CA9: variants seen among roughly 807,000 people sequenced by gnomAD.
CA9 encodes carbonic anhydrase 9, also known as CA-IX.
Under a neutral mutation model 51.8 loss-of-function variants are expected in CA9, and 43 were observed. The observed-to-expected ratio is 0.83, with a 90% CI of 0.65 to 1.07. The LOEUF is 1.07. Ranked by LOEUF, CA9 falls within the 50% of genes least tolerant of loss-of-function variation. CA9 has a pLI of 0.00. For synonymous variants in CA9, 253 were observed against 244.2 expected, an observed-to-expected ratio of 1.04 and a Z score of -0.34; for missense variants, 574 against 581.4, an observed-to-expected ratio of 0.99 and a Z score of 0.13.
At chr9:35,680,364 T>TC (rs68054422) in intron 9 of CA9, among the ~76,000 whole-genome samples, 25,173 of 151,226 alleles carry the variant, frequency 0.17, 4,953 homozygotes, top group African/African-American at 0.48. Context: ...CGCAAAACAA[T>TC]CCCCCCCCTT....
chr9:35,678,322 G>A (rs1395305653), intron 6 of CA9, among the ~76,000 whole-genome samples: 2 of 148,836 alleles, frequency 1.3e-5, no homozygotes, highest in East Asian at 2.0e-4. Context: ...CTCCAGCCTG[G>A]GCAACAGAGC....
chr9:35,677,945 C>A, intron 6 of CA9, 89 bp downstream of exon 6: 1 of 1,063,346 alleles, frequency 9.4e-7, no homozygotes, highest in Non-Finnish European at 1.5e-6. Context: ...TGGAGATGGG[C>A]TCCCTCCAGT....
At chr9:35,680,686 C>A in intron 9 of CA9, 67 bp from the exon 10 acceptor site, 3 of 1,303,626 alleles carry the variant, frequency 2.3e-6, no homozygotes, top group Middle Eastern at 2.4e-4. Flanking sequence ...TGCACTGAGG[C>A]AGGTGTTGAG....
rs150321912 is a variant in CA9 at position 35,676,140 on chromosome 9, G to C, written c.681G>C (p.Leu227=). The change falls in exon 4 of 11, where the codon CTG becomes CTC. Residue 227 remains leucine (L), a synonymous_variant. Transcript: ENST00000378357. ...GREYRALQLH[L]HWGAAGRPGS... Reference sequence around the variant, plus strand: ...AGTACCGGGCTCTGCAGCTGCATCTGCACTGGGGGGCTGCAGGTCGTCCGG... The same window carrying C: ...AGTACCGGGCTCTGCAGCTGCATCTCCACTGGGGGGCTGCAGGTCGTCCGG... 1.9e-6 allele frequency: 3 copies of C among 1,613,292 alleles called. No individual in the cohort carries two copies. In the African/African-American group the frequency reaches 4.0e-5, roughly 22 times the overall value.
chr9:35,679,286 G>A lies in CA9; in HGVS notation c.1009G>A (p.Ala337Thr). ...YEGSLTTPPC[A>T]QGVIWTVFNQ... ...GGGGTCTCTGACTACACCGCCCTGT[G>A]CCCAGGGTGTCATCTGGACTGTGTT... The change falls in exon 7 of 11, where the codon GCC becomes ACC. Residue 337 changes from alanine (A) to threonine (T), a missense_variant. Ala to Thr is a moderately conservative substitution (Grantham distance 58). Transcript: ENST00000378357. 5 of 1,614,202 alleles carry A rather than the reference G, an allele frequency of 3.1e-6. No individual in the cohort carries two copies. The highest frequency in any genetic ancestry group is 4.5e-5 in the East Asian group (2 of 44,884).
rs777908988 is a variant in CA9 at position 35,679,266 on chromosome 9, C to T, written c.989C>T (p.Ser330Phe). 1 of 1,614,186 alleles carries T rather than the reference C, an allele frequency of 6.2e-7. No individual in the cohort carries two copies. The highest frequency in any genetic ancestry group is 1.1e-5 in the South Asian group (1 of 91,084). Residue 330 changes from serine to phenylalanine, a missense_variant, in exon 7 of 11, where the codon TCT becomes TTT. Ser to Phe is a radical substitution (Grantham distance 155). Coordinates refer to ENST00000378357, the MANE Select transcript of CA9 (RefSeq NM_001216.3). ...DFSRYFQYEGSLTTPPCAQGV... is the reference protein window; with the variant it reads ...DFSRYFQYEGFLTTPPCAQGV... ...AGCCGCTACTTCCAATATGAGGGGT[C>T]TCTGACTACACCGCCCTGTGCCCAG...
rs1239579501 is a variant in CA9 at position 35,673,944 on chromosome 9, C to T, written c.-16C>T. On this transcript the variant is annotated 5_prime_UTR_variant, in exon 1 of 11. Transcript: ENST00000378357. Reference sequence around the variant, plus strand: ...CCCGTACACACCGTGTGCTGGGACACCCCACAGTCAGCCGCATGGCTCCCC... The same window carrying T: ...CCCGTACACACCGTGTGCTGGGACATCCCACAGTCAGCCGCATGGCTCCCC... 5.7e-6 allele frequency: 9 copies of T among 1,581,074 alleles called. No homozygotes were observed. The highest frequency in any genetic ancestry group is 6.9e-6 in the Non-Finnish European group (8 of 1,163,002).
At chr9:35,676,853 T>TTTTA (rs1170675137) in intron 5 of CA9, among the ~76,000 whole-genome samples, 8 of 152,118 alleles carry the variant, frequency 5.3e-5, no homozygotes, top group Non-Finnish European at 7.4e-5. Flanking sequence ...ACTCACTCAC[T>TTTTA]TTTATTTATT....
chr9:35,676,615 T>C (rs1232304796), intron 5 of CA9, among the ~76,000 whole-genome samples: 1 of 152,020 alleles, frequency 6.6e-6, no homozygotes, highest in East Asian at 1.9e-4. Flanking sequence ...CCACAGCCAG[T>C]GGGGGAGGCT....
Position 35,675,767 on chromosome 9 carries a change from C to CTGGGG in CA9, c.440_441insTGGGG (p.Pro148GlyfsTer59). On this transcript the variant is annotated frameshift_variant, in exon 3 of 11. Transcript: ENST00000378357. LOFTEE classifies it high-confidence loss of function. ...CTATACTCTCCCACCCCAGGCGACC[C>CTGGGG]GCCCTGGCCCCGGGTGTCCCCAGCC... The CTGGGG allele has an allele frequency of 6.2e-7, 1 of 1,601,454 alleles. No individual in the cohort carries two copies. Among genetic ancestry groups the CTGGGG allele is most frequent in the South Asian group, 1.1e-5 (1 of 90,742 alleles).
chr9:35,675,260 C>G, intron 1 of CA9: 1 of 507,496 alleles, frequency 2.0e-6, no homozygotes, highest in South Asian at 2.4e-5. Flanking sequence ...TCCCAAAGTG[C>G]TGGGATTATA....
At chr9:35,677,154 C>T (rs1460393646) in intron 5 of CA9, among the ~76,000 whole-genome samples, 2 of 152,236 alleles carry the variant, frequency 1.3e-5, no homozygotes, top group East Asian at 3.9e-4. Context: ...TGCCCAGCCA[C>T]ACTCACTGAT....
rs143777802 is a variant in CA9 at position 35,674,143 on chromosome 9, G to T, written c.184G>T (p.Glu62Ter). The change falls in exon 1 of 11, where the codon GAG becomes TAG. Residue 62 changes from glutamate (E) to a stop codon, truncating the protein, a stop_gained. Transcript: ENST00000378357. LOFTEE classifies it high-confidence loss of function. ...GSSGEDDPLGEEDLPSEEDSP... is the reference protein window; with the variant it reads ...GSSGEDDPLG ...TTCTGGGGAAGATGACCCACTGGGCGAGGAGGATCTGCCCAGTGAAGAGGA... is the reference window on the plus strand; with the variant it reads ...TTCTGGGGAAGATGACCCACTGGGCTAGGAGGATCTGCCCAGTGAAGAGGA... 3 of 1,614,158 alleles carry T rather than the reference G, an allele frequency of 1.9e-6. No homozygotes were observed. Among genetic ancestry groups the T allele is most frequent in the Non-Finnish European group, 2.5e-6 (3 of 1,180,002 alleles).
At position 35,680,989 on chromosome 9, in the gene CA9, C is replaced by G. The variant is rs779997289; in HGVS notation, c.1344C>G (p.Ser448Arg). Residue 448 changes from serine to arginine, a missense_variant, in exon 11 of 11, where the codon AGC becomes AGG. By Grantham distance (110) the Ser-to-Arg change is moderately radical. Transcript: ENST00000378357. ...GAAGGGGAACCAAAGGGGGTGTGAG[C>G]TACCGCCCAGCAGAGGTAGCCGAGA... ...QHRRGTKGGV[S>R]YRPAEVAETG... is the part of the protein sequence containing the mutation. The G allele has an allele frequency of 2.5e-6, 4 of 1,613,938 alleles. No homozygotes were observed. Among genetic ancestry groups the G allele is most frequent in the Non-Finnish European group, 2.5e-6 (3 of 1,180,020 alleles).
At chr9:35,677,625 A>C (rs956296286) in intron 5 of CA9, among the ~76,000 whole-genome samples, 165 bp from the exon 6 acceptor site, 1 of 152,108 alleles carries the variant, frequency 6.6e-6, no homozygotes, top group Non-Finnish European at 1.5e-5. Flanking sequence ...TAAAAAAAAA[A>C]ACAACAGCAA....
chr9:35,681,104 A>G lies in CA9; in HGVS notation c.*79A>G. The G allele has an allele frequency of 9.2e-7, 1 of 1,091,520 alleles. No homozygotes were observed. Among genetic ancestry groups the G allele is most frequent in the South Asian group, 1.8e-5 (1 of 54,828 alleles). The allele number at this position is 1,091,520 out of a possible 1,614,324, so 67.6% of individuals were successfully genotyped here. ...CGGTAACTGTCCTGTCCTGCTCATT[A>G]TGCCACTTCCTTTTAACTGCCAAGA... On this transcript the variant is annotated 3_prime_UTR_variant, in exon 11 of 11. Transcript: ENST00000378357.
Position 35,681,013 on chromosome 9 carries a change from G to T in CA9, c.1368G>T (p.Glu456Asp). 6.2e-7 allele frequency: 1 copy of T among 1,613,926 alleles called. No individual in the cohort carries two copies. Among genetic ancestry groups the T allele is most frequent in the South Asian group, 1.1e-5 (1 of 91,032 alleles). ...GCTACCGCCCAGCAGAGGTAGCCGA[G>T]ACTGGAGCCTAGAGGCTGGATCTTG... ...GVSYRPAEVA[E>D]TGA The change falls in exon 11 of 11, where the codon GAG becomes GAT. Residue 456 changes from glutamate to aspartate, a missense_variant. Coordinates refer to ENST00000378357, the MANE Select transcript of CA9 (RefSeq NM_001216.3).
At chr9:35,677,099 C>G (rs1008688784) in intron 5 of CA9, among the ~76,000 whole-genome samples, 2 of 152,190 alleles carry the variant, frequency 1.3e-5, no homozygotes, top group African/African-American at 4.8e-5. Flanking sequence ...AAGTGATCCG[C>G]CTGACTCAGC....
intron 5 of CA9, 108 bp from the exon 6 acceptor site, chr9:35,677,682 T>A: frequency 1.2e-6 from 1 of 829,180 alleles, no homozygotes; most frequent in Non-Finnish European, 2.1e-6. Context: ...CTCAGCATTC[T>A]CAGAGCTGAG....
Sources: gnomAD v4.1 joint callset for allele counts (sites outside exome capture counted in the v4.1 genomes callset) on GRCh38, gnomAD v4.1.1 for gene constraint, MANE v1.5 for transcripts, NCBI Gene and HGNC (gene_info 2026-07-23, HGNC 2026-07-21) for gene names.